C1QL1: variants seen among roughly 807,000 people sequenced by gnomAD.
C1QL1 encodes the protein C1q-related factor.
A neutral mutation model predicts 14.2 loss-of-function variants in C1QL1; 15 were observed. That is an observed-to-expected ratio of 1.06 (90% CI 0.71 to 1.62). C1QL1 has a LOEUF of 1.62. Among genes scored for constraint, C1QL1 ranks in the 40% most tolerant of loss-of-function variants. The pLI, the probability that C1QL1 is intolerant of heterozygous loss-of-function variation, is 0.00. For missense variants in C1QL1, 346 were observed against 380.3 expected, an observed-to-expected ratio of 0.91 and a Z score of 0.75; for synonymous variants, 172 against 172.4, an observed-to-expected ratio of 1.00 and a Z score of 0.02.
At chr17:44,966,033 C>G (rs1419183786) in intron 1 of C1QL1, among the ~76,000 whole-genome samples, 3 of 152,116 alleles carry the variant, frequency 2.0e-5, no homozygotes, top group Non-Finnish European at 4.4e-5. Context: ...GAGAGACATA[C>G]AAGGAATAGA....
chr17:44,967,933 C>A lies in C1QL1; in HGVS notation c.116G>T (p.Gly39Val), dbSNP rs1240580578. 2.3e-6 allele frequency: 3 copies of A among 1,282,130 alleles called. No individual in the cohort carries two copies. The highest frequency in any genetic ancestry group is 2.0e-6 in the Non-Finnish European group (2 of 1,019,436). The allele number at this position is 1,282,130 out of a possible 1,614,324, so 79.4% of individuals were successfully genotyped here. A position where few individuals can be genotyped will look rare whatever the true frequency, so the allele number is the denominator to read the frequency against. ...RMVCDPYPAR[G>V]PGAGARTDGG... ...GTCGGTCCGCGCGCCGGCGCCGGGG[C>A]CCCGCGCGGGGTAGGGGTCGCACAC... is the stretch of plus-strand genomic sequence containing the variant. The change falls in exon 1 of 2, where the codon GGC (glycine) becomes GTC (valine). Residue 39 changes from glycine (G) to valine (V), a missense_variant. Transcript: ENST00000253407. The surrounding 1 kb of genome is among the most constrained non-coding windows in gnomAD (Gnocchi z 7.0).
intron 1 of C1QL1, among the ~76,000 whole-genome samples, chr17:44,966,544 G>A (rs899235654): frequency 6.6e-6 from 1 of 152,156 alleles, no homozygotes; most frequent in Non-Finnish European, 1.5e-5. Flanking sequence ...ACCCCAGGGC[G>A]GGGCTGGGTG....
At position 44,959,797 on chromosome 17, in the gene C1QL1, C is replaced by T. The variant is rs900479041; in HGVS notation, c.*391G>A. 5 of 197,408 alleles carry T rather than the reference C, an allele frequency of 2.5e-5. No individual in the cohort carries two copies. Among genetic ancestry groups the T allele is most frequent in the Non-Finnish European group, 5.1e-5 (5 of 98,946 alleles). 12.2% of individuals were successfully genotyped at this position (197,408 alleles called of 1,614,324 possible). ...TATCCAGCCCCCAACTCCCCCCTCC[C>T]CCGGGCGCGCCACCCCGGAGGGAGC... is the stretch of plus-strand genomic sequence containing the variant. On this transcript the variant is annotated 3_prime_UTR_variant, in exon 2 of 2. Transcript: ENST00000253407.
In C1QL1 at chr17:44,968,060, C is replaced by T. The variant is rs182634069; in HGVS notation, c.-12G>A. On this transcript the variant is annotated 5_prime_UTR_variant, in exon 1 of 2. Coordinates refer to ENST00000253407, the MANE Select transcript of C1QL1 (RefSeq NM_006688.5). ...AGCACCAGCAGCATCACCACACCCG[C>T]GGCGGCCGCTAGCAGCGTCTTTCGG... 8.7e-4 allele frequency: 1,131 copies of T among 1,304,196 alleles called. 19 individuals are homozygous for T. In the East Asian group the frequency reaches 0.027, roughly 31 times the overall value. 80.8% of individuals were successfully genotyped at this position (1,304,196 alleles called of 1,614,324 possible). A position where few individuals can be genotyped will look rare whatever the true frequency, so the allele number is the denominator to read the frequency against.
intron 1 of C1QL1, among the ~76,000 whole-genome samples, chr17:44,966,896 C>A (rs2143028410): frequency 6.6e-6 from 1 of 152,208 alleles, no homozygotes; most frequent in Non-Finnish European, 1.5e-5. Flanking sequence ...GTCAGATTCG[C>A]CCAATGGTCC....
chr17:44,961,574 AT>A, intron 1 of C1QL1, among the ~76,000 whole-genome samples: 1 of 136,408 alleles, frequency 7.3e-6, no homozygotes, highest in African/African-American at 2.9e-5. Flanking sequence ...CCTGGGCGAC[AT>A]AGTGAGACTC....
At position 44,967,297 on chromosome 17, in the gene C1QL1, ATCCCCAC is replaced by A. The variant is rs2052661779; in HGVS notation, c.597+148_597+154del. On this transcript the variant is annotated intron_variant, in intron 1 of 1. Transcript: ENST00000253407. The surrounding 1 kb of genome is among the most constrained non-coding windows in gnomAD (Gnocchi z 7.0). ...TCGGCGATGTCCGCTGGCTCCGACC[ATCCCCAC>A]ACGTGATGACCAAGCGGGGCCGCTG... Among the ~76,000 whole-genome samples the A allele has an allele frequency of 2.0e-5, 3 of 152,172 alleles. No individual in the cohort carries two copies. The highest frequency in any genetic ancestry group is 1.3e-4 in the Admixed American group (2 of 15,286).
In C1QL1 at chr17:44,967,961, T is replaced by C; in HGVS notation, c.88A>G (p.Met30Val). Residue 30 changes from methionine to valine, a missense_variant, in exon 1 of 2, where the codon ATG (methionine) becomes GTG (valine). Transcript: ENST00000253407. This position sits in a 1 kb window ranked among gnomAD's most constrained non-coding sequence, Gnocchi z 7.0. Reference protein sequence around the residue: ...GHYEMLGTCRMVCDPYPARGP... With the variant: ...GHYEMLGTCRVVCDPYPARGP... ...CGCGCGGGGTAGGGGTCGCACACCATGCGGCAGGTGCCCAGCATCTCATAG... is the reference window on the plus strand; with the variant it reads ...CGCGCGGGGTAGGGGTCGCACACCACGCGGCAGGTGCCCAGCATCTCATAG... 1 of 1,348,594 alleles carries C rather than the reference T, an allele frequency of 7.4e-7. No individual in the cohort carries two copies. The highest frequency in any genetic ancestry group is 9.5e-7 in the Non-Finnish European group (1 of 1,050,888). The allele number at this position is 1,348,594 out of a possible 1,614,324, so 83.5% of individuals were successfully genotyped here.
Position 44,960,171 on chromosome 17 carries a change from A to T in C1QL1, c.*17T>A, listed in dbSNP as rs1597908503. ...CCCGGCGGGTGAGGGACGTGGGTGG[A>T]GGGAGACGTGGGGAGCTCAGTCGGA... On this transcript the variant is annotated 3_prime_UTR_variant, in exon 2 of 2. Coordinates refer to ENST00000253407, the MANE Select transcript of C1QL1 (RefSeq NM_006688.5). 2 of 1,611,342 alleles carry T rather than the reference A, an allele frequency of 1.2e-6. No homozygotes were observed. Among genetic ancestry groups the T allele is most frequent in the Non-Finnish European group, 8.5e-7 (1 of 1,178,038 alleles).
In C1QL1 at chr17:44,968,217, C is replaced by T. The variant is rs1240385886; in HGVS notation, c.-169G>A. The T allele has an allele frequency of 2.5e-5, 4 of 160,908 alleles. No homozygotes were observed. Among genetic ancestry groups the T allele is most frequent in the Non-Finnish European group, 5.1e-5 (4 of 78,016 alleles). The allele number at this position is 160,908 out of a possible 1,614,324, so 10.0% of individuals were successfully genotyped here. On this transcript the variant is annotated 5_prime_UTR_variant, in exon 1 of 2. Coordinates refer to ENST00000253407, the MANE Select transcript of C1QL1 (RefSeq NM_006688.5). ...GCGGGGCTGCGGGCATGGGGCCGGG[C>T]CCGGGGCGCCGCGCTGCGCTGGCTG...
At chr17:44,964,223 C>T (rs2052644091) in intron 1 of C1QL1, among the ~76,000 whole-genome samples, 1 of 152,210 alleles carries the variant, frequency 6.6e-6, no homozygotes, top group Non-Finnish European at 1.5e-5. Context: ...TTCTGGAAGC[C>T]TCTCTACAGG....
rs1249054523 is a variant in C1QL1 at position 44,967,697 on chromosome 17, C to A, written c.352G>T (p.Ala118Ser). The A allele has an allele frequency of 6.2e-7, 1 of 1,611,662 alleles. No homozygotes were observed. The highest frequency in any genetic ancestry group is 1.3e-5 in the African/African-American group (1 of 75,002). The part of the protein sequence containing the change: ...PGLPGAGGSG[A>S]ISTATYTTVP... ...GTGGTGTAGGTGGCAGTGCTGATGG[C>A]GCCGCTGCCCCCCGCGCCCGGCAGC... The change falls in exon 1 of 2, where the codon GCC becomes TCC. Residue 118 changes from alanine to serine, a missense_variant. Ala to Ser is a moderately conservative substitution (Grantham distance 99, BLOSUM62 1). Transcript: ENST00000253407. This position sits in a 1 kb window ranked among gnomAD's most constrained non-coding sequence, Gnocchi z 7.0.
At chr17:44,961,682 C>A (rs1255044586) in intron 1 of C1QL1, among the ~76,000 whole-genome samples, 1 of 149,760 alleles carries the variant, frequency 6.7e-6, no homozygotes, top group South Asian at 2.1e-4. Flanking sequence ...GTCAGGAGAT[C>A]GAGACCATCC....
intron 1 of C1QL1, among the ~76,000 whole-genome samples, chr17:44,962,838 G>T (rs1319774594): frequency 6.6e-6 from 1 of 152,112 alleles, no homozygotes; most frequent in African/African-American, 2.4e-5. Context: ...CTGGTGATGT[G>T]ACTGCATCAG....
rs762370199 is a variant in C1QL1, at chr17:44,960,288, G to A, written c.677C>T (p.Ala226Val). 55 of 1,614,064 alleles carry A rather than the reference G, an allele frequency of 3.4e-5. No individual in the cohort carries two copies. The highest frequency in any genetic ancestry group is 1.7e-6 in the Non-Finnish European group (2 of 1,180,014). ...CAGCTTGATGAAGACCTCGTCGCCGGCGTCCAGGTGCAGGATCACGCTGTT... is the reference window on the plus strand; with the variant it reads ...CAGCTTGATGAAGACCTCGTCGCCGACGTCCAGGTGCAGGATCACGCTGTT... ...ASNSVILHLD[A>V]GDEVFIKLDG... The change falls in exon 2 of 2, where the codon GCC becomes GTC. Residue 226 changes from alanine to valine, a missense_variant. Ala to Val is a moderately conservative substitution (Grantham distance 64). Transcript: ENST00000253407.
At chr17:44,965,371 C>T (rs1021174738) in intron 1 of C1QL1, among the ~76,000 whole-genome samples, 3 of 151,960 alleles carry the variant, frequency 2.0e-5, no homozygotes, top group African/African-American at 4.8e-5. Flanking sequence ...TGATCTCAAA[C>T]CCCTGACCTC....
At chr17:44,966,636 G>A (rs879570541) in intron 1 of C1QL1, among the ~76,000 whole-genome samples, 26 of 152,282 alleles carry the variant, frequency 1.7e-4, no homozygotes, top group Non-Finnish European at 2.9e-4. Context: ...GACACACTCA[G>A]TGCTTTCCAG....
Position 44,967,958 on chromosome 17 carries a change from C to T in C1QL1, c.91G>A (p.Val31Met), listed in dbSNP as rs746793614. ...HYEMLGTCRM[V>M]CDPYPARGPG... ...CCCCGCGCGGGGTAGGGGTCGCACACCATGCGGCAGGTGCCCAGCATCTCA... is the reference window on the plus strand; with the variant it reads ...CCCCGCGCGGGGTAGGGGTCGCACATCATGCGGCAGGTGCCCAGCATCTCA... Residue 31 changes from valine to methionine, a missense_variant, in exon 1 of 2, where the codon GTG (valine) becomes ATG (methionine). Transcript: ENST00000253407. This position sits in a 1 kb window ranked among gnomAD's most constrained non-coding sequence, Gnocchi z 7.0. The T allele has an allele frequency of 7.4e-7, 1 of 1,346,412 alleles. No individual in the cohort carries two copies. The highest frequency in any genetic ancestry group is 2.9e-5 in the Admixed American group (1 of 34,820). 83.4% of individuals were successfully genotyped at this position (1,346,412 alleles called of 1,614,324 possible). A position where few individuals can be genotyped will look rare whatever the true frequency, so the allele number is the denominator to read the frequency against.
intron 1 of C1QL1, among the ~76,000 whole-genome samples, chr17:44,964,232 G>A (rs1257176719): frequency 6.6e-6 from 1 of 152,214 alleles, no homozygotes; most frequent in Admixed American, 6.5e-5. Flanking sequence ...CCTCTCTACA[G>A]GCAGGAAGCC....
Sources: gnomAD v4.1 joint callset for allele counts (sites outside exome capture counted in the v4.1 genomes callset) on GRCh38, gnomAD v4.1.1 for gene constraint, Gnocchi (gnomAD v3.1) non-coding constraint, MANE v1.5 for transcripts, NCBI Gene and HGNC (gene_info 2026-07-23, HGNC 2026-07-21) for gene names.